Variants in NCAPD2 observed in about 807,000 individuals in gnomAD.
The protein encoded by NCAPD2 is non-SMC condensin I complex subunit D2, also known as condensin complex subunit 1.
In NCAPD2, 100 loss-of-function variants were observed where a neutral mutation model predicts 164.5. The ratio of observed to expected loss-of-function variants is 0.61; its 90% CI spans 0.52 to 0.72. The LOEUF (loss-of-function observed/expected upper bound fraction) is 0.72. NCAPD2 is among the 30% of genes least tolerant of loss of function. The pLI is 0.00. For synonymous variants in NCAPD2, 585 were observed against 642.6 expected (o/e 0.91, Z 1.36); for missense variants, 1,560 against 1,749.2 (o/e 0.89, Z 1.93).
chr12:6,504,207 A>C (rs1421704513), intron 2 of NCAPD2, among the ~76,000 whole-genome samples: 1 of 22,498 alleles, frequency 4.4e-5, no homozygotes, highest in East Asian at 1.6e-3. Context: ...ATATATATAT[A>C]TATATATATA....
chr12:6,527,731 A>C, intron 22 of NCAPD2, 46 bp from the exon 23 acceptor site: 1 of 1,552,214 alleles, frequency 6.4e-7, no homozygotes, highest in African/African-American at 1.4e-5. Flanking sequence ...TGGAATCAAA[A>C]ATGTTGTCTC....
At position 6,509,806 on chromosome 12, in the gene NCAPD2, C is replaced by A; in HGVS notation, c.203+14C>A. Reference sequence around the variant, plus strand: ...CAGCATTTTGCAGTAAGTGAAACACCCAACTGGTACTTTAAAAAGAACTGG... The same window carrying A: ...CAGCATTTTGCAGTAAGTGAAACACACAACTGGTACTTTAAAAAGAACTGG... On this transcript the variant is annotated intron_variant, in intron 3 of 31. Transcript: ENST00000315579. The A allele has an allele frequency of 6.2e-7, 1 of 1,611,066 alleles. No homozygotes were observed. Among genetic ancestry groups the A allele is most frequent in the Non-Finnish European group, 8.5e-7 (1 of 1,178,276 alleles).
chr12:6,509,837 G>A lies in NCAPD2; in HGVS notation c.203+45G>A, dbSNP rs183127844. Reference sequence around the variant, plus strand: ...GGTACTTTAAAAAGAACTGGTGACTGTTTGTCCTAACTGTGCATGTTAGTC... The same window carrying A: ...GGTACTTTAAAAAGAACTGGTGACTATTTGTCCTAACTGTGCATGTTAGTC... On this transcript the variant is annotated intron_variant, in intron 3 of 31. Coordinates refer to ENST00000315579, the MANE Select transcript of NCAPD2 (RefSeq NM_014865.4). The A allele has an allele frequency of 1.4e-4, 221 of 1,587,236 alleles. No individual in the cohort carries two copies. In the African/African-American group the frequency reaches 2.7e-3, roughly 19 times the overall value.
intron 13 of NCAPD2, among the ~76,000 whole-genome samples, chr12:6,519,229 C>T (rs1488306795): frequency 3.3e-5 from 5 of 152,158 alleles, no homozygotes; most frequent in African/African-American, 9.7e-5. Flanking sequence ...CTTGTTTGCC[C>T]TATGACTCCC....
intron 2 of NCAPD2, among the ~76,000 whole-genome samples, chr12:6,506,516 G>A (rs1946100395): frequency 6.6e-6 from 1 of 151,774 alleles, no homozygotes; most frequent in Non-Finnish European, 1.5e-5. Flanking sequence ...CGTGAACCCA[G>A]GAGGCAGAGC....
At chr12:6,521,760 C>T (rs1565545105) in intron 14 of NCAPD2, 38 bp from the exon 15 acceptor site, 2 of 1,606,526 alleles carry the variant, frequency 1.2e-6, no homozygotes, top group South Asian at 1.1e-5. Flanking sequence ...CCTGTATCCC[C>T]TTGAACGAAA....
chr12:6,517,203 G>C (rs758739), intron 10 of NCAPD2, among the ~76,000 whole-genome samples, 162 bp from the exon 11 acceptor site: 117,853 of 152,186 alleles, frequency 0.77, 46,201 homozygotes, highest in African/African-American at 0.91. Flanking sequence ...TTTAAGGACT[G>C]TAATGTGTCT....
At chr12:6,530,600 T>G (rs959888275) in intron 29 of NCAPD2, 91 bp from the exon 30 acceptor site, 1 of 1,543,470 alleles carries the variant, frequency 6.5e-7, no homozygotes, top group Non-Finnish European at 8.8e-7. Flanking sequence ...TAATGTGCGT[T>G]TAAGGCCTCC....
Position 6,529,574 on chromosome 12 carries a change from C to T in NCAPD2, c.3634C>T (p.Gln1212Ter), listed in dbSNP as rs1040333456. 2 of 1,614,198 alleles carry T rather than the reference C, an allele frequency of 1.2e-6. No individual in the cohort carries two copies. The highest frequency in any genetic ancestry group is 1.7e-6 in the Non-Finnish European group (2 of 1,180,028). The change falls in exon 28 of 32, where the codon CAG becomes TAG. Residue 1212 changes from glutamine (Q) to a stop codon, truncating the protein, a stop_gained. Coordinates refer to ENST00000315579, the MANE Select transcript of NCAPD2 (RefSeq NM_014865.4). LOFTEE classifies it high-confidence loss of function. ...AGAGAGCCTGGTGGAAAAGCTGTGT[C>T]AGCGGTTCCGCACATCCCGGTATGC... is the stretch of plus-strand genomic sequence containing the variant. Reference protein sequence around the residue: ...QTESLVEKLCQRFRTSRTERQ... With the variant: ...QTESLVEKLC
At chr12:6,514,660 T>G (rs1946182725) in intron 8 of NCAPD2, 73 bp downstream of exon 8, 18 of 1,611,018 alleles carry the variant, frequency 1.1e-5, no homozygotes, top group Non-Finnish European at 1.5e-5. Flanking sequence ...TGGAAATACA[T>G]TATCTGTGCA....
Position 6,527,044 on chromosome 12 carries a change from C to A in NCAPD2, c.2888C>A (p.Thr963Asn), listed in dbSNP as rs527945485. Residue 963 changes from threonine (T) to asparagine (N), a missense_variant, in exon 22 of 32, where the codon ACC becomes AAC. Transcript: ENST00000315579. ...RVLREEQEHKTKDPKEKNTSS... is the reference protein window; with the variant it reads ...RVLREEQEHKNKDPKEKNTSS... ...CTCCGGGAAGAACAGGAGCACAAGACCAAAGATCCCAAGGAGAAGGTGTGT... is the reference window on the plus strand; with the variant it reads ...CTCCGGGAAGAACAGGAGCACAAGAACAAAGATCCCAAGGAGAAGGTGTGT... The A allele has an allele frequency of 3.0e-5, 49 of 1,612,146 alleles. No individual in the cohort carries two copies. In the East Asian group the frequency reaches 9.8e-4, roughly 32 times the overall value.
intron 2 of NCAPD2, among the ~76,000 whole-genome samples, chr12:6,503,721 A>AGAT (rs1465255551): frequency 6.6e-6 from 1 of 150,660 alleles, no homozygotes; most frequent in Non-Finnish European, 1.5e-5. Context: ...TAGTGAGCCG[A>AGAT]GATCGTGCCA....
intron 2 of NCAPD2, among the ~76,000 whole-genome samples, chr12:6,503,412 CAG>C (rs1946057459): frequency 6.6e-6 from 1 of 152,092 alleles, no homozygotes; most frequent in African/African-American, 2.4e-5. Flanking sequence ...TGCATTGTCA[CAG>C]GGCAGAAGGC....
At chr12:6,529,661 C>T in intron 28 of NCAPD2, 68 bp downstream of exon 28, 3 of 1,603,746 alleles carry the variant, frequency 1.9e-6, no homozygotes, top group South Asian at 1.1e-5. Flanking sequence ...GCCCATCCCT[C>T]ACCCCTTCAA....
In NCAPD2 at chr12:6,528,783, C is replaced by T. The variant is rs764924444; in HGVS notation, c.3404C>T (p.Ala1135Val). Residue 1135 changes from alanine (A) to valine (V), a missense_variant, in exon 26 of 32, where the codon GCG (alanine) becomes GTG (valine). By Grantham distance (64) the Ala-to-Val change is moderately conservative. Coordinates refer to ENST00000315579, the MANE Select transcript of NCAPD2 (RefSeq NM_014865.4). This position sits in a 1 kb window ranked among gnomAD's most constrained non-coding sequence, Gnocchi z 5.1. ...VKVKGQVSEMAVLLIDPEPQI... is the reference protein window; with the variant it reads ...VKVKGQVSEMVVLLIDPEPQI... ...GTGAAGGGGCAGGTCAGCGAGATGG[C>T]GGTGCTGCTCATCGACCCCGAGCCT... is the stretch of plus-strand genomic sequence containing the variant. 6 of 1,614,076 alleles carry T rather than the reference C, an allele frequency of 3.7e-6. No individual in the cohort carries two copies. The highest frequency in any genetic ancestry group is 1.3e-5 in the African/African-American group (1 of 75,012).
chr12:6,510,304 C>G (rs1461923574), intron 4 of NCAPD2, 171 bp downstream of exon 4: 1 of 827,910 alleles, frequency 1.2e-6, no homozygotes, highest in Non-Finnish European at 2.1e-6. Flanking sequence ...GGTCTGTAAT[C>G]TTGGTGGGCG....
At chr12:6,504,064 G>T (rs1946065558) in intron 2 of NCAPD2, among the ~76,000 whole-genome samples, 1 of 151,450 alleles carries the variant, frequency 6.6e-6, no homozygotes, top group Admixed American at 6.6e-5. Flanking sequence ...CTGTCATGTT[G>T]GGGATTATAT....
chr12:6,528,662 C>A lies in NCAPD2; in HGVS notation c.3300-17C>A. On this transcript the variant is annotated splice_polypyrimidine_tract_variant and intron_variant, in intron 25 of 31. Coordinates refer to ENST00000315579, the MANE Select transcript of NCAPD2 (RefSeq NM_014865.4). This position sits in a 1 kb window ranked among gnomAD's most constrained non-coding sequence, Gnocchi z 5.1. ...CCCGGAGGTCTCGGTCCCCATGACC[C>A]GCAATTCCATTCCTAGTCTCCGGGA... The A allele has an allele frequency of 6.2e-7, 1 of 1,604,332 alleles. No homozygotes were observed. Among genetic ancestry groups the A allele is most frequent in the Non-Finnish European group, 8.5e-7 (1 of 1,172,440 alleles).
chr12:6,526,668 A>T, intron 21 of NCAPD2, 53 bp downstream of exon 21: 1 of 1,585,024 alleles, frequency 6.3e-7, no homozygotes, highest in Non-Finnish European at 8.6e-7. Context: ...TTCTCCCTGC[A>T]GGGCCAGGAG....
Sources: allele counts gnomAD v4.1 joint callset (sites outside exome capture counted in the v4.1 genomes callset), GRCh38; gene constraint gnomAD v4.1.1; non-coding constraint Gnocchi (gnomAD v3.1); transcripts MANE v1.5; gene names NCBI Gene and HGNC (gene_info 2026-07-23, HGNC 2026-07-21).